AHNAK: variants seen among roughly 807,000 people sequenced by gnomAD.
AHNAK encodes neuroblast differentiation-associated protein AHNAK.
AHNAK carries 23 observed loss-of-function variants against 37.8 expected under a neutral mutation model. The ratio of observed to expected loss-of-function variants is 0.61; its 90% confidence interval spans 0.44 to 0.86. The LOEUF is 0.86. AHNAK is among the 40% of genes least tolerant of loss of function. AHNAK has a pLI of 0.00. For missense variants in AHNAK, 7,411 were observed against 7,319.4 expected (o/e 1.01, Z -0.46); for synonymous variants, 2,481 against 2,636.3 (o/e 0.94, Z 1.80).
intron 5 of AHNAK, among the ~76,000 whole-genome samples, chr11:62,482,424 T>C (rs1426694118): frequency 7.8e-6 from 1 of 127,648 alleles, no homozygotes; most frequent in Non-Finnish European, 1.7e-5. Flanking sequence ...AAAAAAAAAA[T>C]GTAGTATTTA....
At position 62,529,250 on chromosome 11, in the gene AHNAK, G is replaced by A; in HGVS notation, c.5167C>T (p.Pro1723Ser). The change falls in exon 5 of 5, where the codon CCT becomes TCT. Residue 1723 changes from proline (P) to serine (S), a missense_variant. Physicochemically the swap from Pro to Ser is moderately conservative, Grantham distance 74 (BLOSUM62 -1). Transcript: ENST00000378024. Reference sequence around the variant, plus strand: ...TCAGGGCCCTCTGCTTTGAAGCCAGGCATACTGAACTTGGGCATTTTCATC... The same window carrying A: ...TCAGGGCCCTCTGCTTTGAAGCCAGACATACTGAACTTGGGCATTTTCATC... Reference protein sequence around the residue: ...PKMKMPKFSMPGFKAEGPEVD... With the variant: ...PKMKMPKFSMSGFKAEGPEVD... 1 of 1,614,174 alleles carries A rather than the reference G, an allele frequency of 6.2e-7. No individual in the cohort carries two copies. Among genetic ancestry groups the A allele is most frequent in the South Asian group, 1.1e-5 (1 of 91,080 alleles).
intron 5 of AHNAK, among the ~76,000 whole-genome samples, chr11:62,434,932 CAAAA>C (rs55712038): frequency 3.1e-4 from 26 of 84,374 alleles, no homozygotes; most frequent in East Asian, 1.4e-3. Flanking sequence ...GACCCTGTCT[CAAAA>C]AAAAAAAAAA....
At position 62,526,943 on chromosome 11, in the gene AHNAK, G is replaced by T; in HGVS notation, c.7474C>A (p.Pro2492Thr). 6.2e-7 allele frequency: 1 copy of T among 1,614,118 alleles called. No homozygotes were observed. The highest frequency in any genetic ancestry group is 1.7e-5 in the Admixed American group (1 of 60,014). The stretch of plus-strand genomic sequence containing the variant: ...TCGGGGGCATTTACATCAACTTTGG[G>T]GCCCCTGATGTTCATATCTGGTACT... The part of the protein sequence containing the change: ...LEVPDMNIRG[P>T]KVDVNAPDVQ... The change falls in exon 5 of 5, where the codon CCC (proline) becomes ACC (threonine). Residue 2492 changes from proline (P) to threonine (T), a missense_variant. Transcript: ENST00000378024.
intron 5 of AHNAK, among the ~76,000 whole-genome samples, chr11:62,467,930 GAA>G (rs1214029327): frequency 2.0e-5 from 3 of 152,178 alleles, no homozygotes; most frequent in Non-Finnish European, 4.4e-5. Flanking sequence ...AGTACTTCCT[GAA>G]GCCTTATCTC....
At position 62,526,629 on chromosome 11, in the gene AHNAK, A is replaced by G. The variant is rs1180032152; in HGVS notation, c.7788T>C (p.Asp2596=). The G allele has an allele frequency of 1.2e-6, 2 of 1,613,020 alleles. No individual in the cohort carries two copies. Among genetic ancestry groups the G allele is most frequent in the South Asian group, 1.1e-5 (1 of 91,034 alleles). Residue 2596 remains aspartate (D), a synonymous_variant, in exon 5 of 5, where the codon GAT becomes GAC. Coordinates refer to ENST00000378024, the MANE Select transcript of AHNAK (RefSeq NM_001620.3). The part of the protein sequence containing the change: ...LHLKGPKVKG[D]VDVSLPKVEG... Reference sequence around the variant, plus strand: ...CCACTTTGGGCAGAGAAACATCCACATCGCCCTTCACCTTGGGACCTTTCA... The same window carrying G: ...CCACTTTGGGCAGAGAAACATCCACGTCGCCCTTCACCTTGGGACCTTTCA...
rs144215916 is a variant in AHNAK at position 62,478,872 on chromosome 11, T to G, written c.442+12860A>C. On this transcript the variant is annotated intron_variant, in intron 5 of 5. Coordinates refer to the AHNAK transcript ENST00000257247. ...TTGATGACACTGTTTCACTAATTTT[T>G]TTTGTTTGTTTGTTTGTTTCTAAAA... Among the ~76,000 whole-genome samples, 191 of 152,166 alleles carry G rather than the reference T, an allele frequency of 1.3e-3. 6 individuals are homozygous for G. In the East Asian group the frequency reaches 0.029, roughly 23 times the overall value.
In AHNAK at chr11:62,526,923, G is replaced by A; in HGVS notation, c.7494C>T (p.Ala2498=). The change falls in exon 5 of 5, where the codon GCC becomes GCT. Residue 2498 remains alanine, a synonymous_variant. Transcript: ENST00000378024. ...NIRGPKVDVN[A]PDVQAPDWHL... is the part of the protein sequence containing the mutation. ...GCCAGTCTGGAGCTTGGACATCGGG[G>A]GCATTTACATCAACTTTGGGGCCCC... is the stretch of plus-strand genomic sequence containing the variant. 1.2e-6 allele frequency: 2 copies of A among 1,614,048 alleles called. No individual in the cohort carries two copies. The highest frequency in any genetic ancestry group is 1.1e-5 in the South Asian group (1 of 91,080).
intron 5 of AHNAK, among the ~76,000 whole-genome samples, chr11:62,462,674 A>T (rs548268139): frequency 6.6e-6 from 1 of 152,322 alleles, no homozygotes; most frequent in East Asian, 1.9e-4. Flanking sequence ...AATCTTAAGG[A>T]TCAGTTATCT....
At chr11:62,481,569 T>TTATG (rs1178681245) in intron 5 of AHNAK, among the ~76,000 whole-genome samples, 1 of 151,754 alleles carries the variant, frequency 6.6e-6, no homozygotes, top group Non-Finnish European at 1.5e-5. Context: ...TCTTTATTTT[T>TTATG]TATTTATTTA....
intron 2 of AHNAK, 93 bp downstream of exon 2, chr11:62,536,376 T>C (rs1419263491): frequency 5.7e-6 from 2 of 352,046 alleles, no homozygotes; most frequent in Non-Finnish European, 1.0e-5. Context: ...CCTTCATCCC[T>C]GTCCCCCACG....
Position 62,493,655 on chromosome 11 carries a change from T to TG in AHNAK, c.343-1825dup, listed in dbSNP as rs112520121. Among the ~76,000 whole-genome samples the TG allele has an allele frequency of 2.4e-3, 355 of 150,864 alleles. 2 individuals carry two copies. Among genetic ancestry groups the TG allele is most frequent in the South Asian group, 3.1e-3 (15 of 4,788 alleles). On this transcript the variant is annotated intron_variant, in intron 4 of 5. Transcript: ENST00000257247. ...AGCCTTTTTTTTATTTTTTAAGAGATGGGGGGGGTCCCACTATGTTGACCA... is the reference window on the plus strand; with the variant it reads ...AGCCTTTTTTTTATTTTTTAAGAGATGGGGGGGGGTCCCACTATGTTGACCA...
Position 62,531,738 on chromosome 11 carries a change from C to G in AHNAK, c.2679G>C (p.Glu893Asp). ...GCAGGTTCACATCCACTTCTGGGCC[C>G]TCTGCTTTGAAGCCAGGCATGCTGA... Reference protein sequence around the residue: ...PKFSMPGFKAEGPEVDVNLPK... With the variant: ...PKFSMPGFKADGPEVDVNLPK... The change falls in exon 5 of 5, where the codon GAG becomes GAC. Residue 893 changes from glutamate to aspartate, a missense_variant. Glu to Asp is a conservative substitution (Grantham distance 45). Transcript: ENST00000378024. 6.2e-7 allele frequency: 1 copy of G among 1,614,046 alleles called. No individual in the cohort carries two copies. Among genetic ancestry groups the G allele is most frequent in the African/African-American group, 1.3e-5 (1 of 74,972 alleles).
chr11:62,521,306 G>C lies in AHNAK; in HGVS notation c.13111C>G (p.Pro4371Ala). 6.2e-7 allele frequency: 1 copy of C among 1,613,564 alleles called. No homozygotes were observed. Among genetic ancestry groups the C allele is most frequent in the East Asian group, 2.2e-5 (1 of 44,846 alleles). ...TTCATCTCTGGCATCTTGAACTTTG[G>C]ACCCTTGAGTTTTGCATCTGGACCT... The part of the protein sequence containing the change: ...IEGPDAKLKG[P>A]KFKMPEMNIK... The change falls in exon 5 of 5, where the codon CCA becomes GCA. Residue 4371 changes from proline (P) to alanine (A), a missense_variant. By Grantham distance (27) the Pro-to-Ala change is conservative. Coordinates refer to ENST00000378024, the MANE Select transcript of AHNAK (RefSeq NM_001620.3).
Position 62,519,047 on chromosome 11 carries a change from G to T in AHNAK, c.15370C>A (p.Leu5124Ile). ...EGELQAPDLE[L>I]SLPAIHVEGL... ...TCGACGTGAATCGCTGGCAAAGAAAGTTCCAGATCAGGTGCCTGGAGTTCA... is the reference window on the plus strand; with the variant it reads ...TCGACGTGAATCGCTGGCAAAGAAATTTCCAGATCAGGTGCCTGGAGTTCA... The change falls in exon 5 of 5, where the codon CTT (leucine) becomes ATT (isoleucine). Residue 5124 changes from leucine (L) to isoleucine (I), a missense_variant. Physicochemically the swap from Leu to Ile is conservative, Grantham distance 5. Coordinates refer to ENST00000378024, the MANE Select transcript of AHNAK (RefSeq NM_001620.3). The T allele has an allele frequency of 1.2e-6, 2 of 1,613,172 alleles. No homozygotes were observed. The highest frequency in any genetic ancestry group is 1.7e-6 in the Non-Finnish European group (2 of 1,179,358).
chr11:62,447,126 T>A (rs1417768198), intron 5 of AHNAK, among the ~76,000 whole-genome samples: 1 of 152,070 alleles, frequency 6.6e-6, no homozygotes, highest in African/African-American at 2.4e-5. Context: ...TCAGCACCCA[T>A]CCCACTCGAC....
rs530988908 is a variant in AHNAK, at chr11:62,486,414, G to A, written c.442+5318C>T. 6.6e-5 allele frequency among the ~76,000 whole-genome samples: 10 copies of A among 151,880 alleles called. 1 individual carries two copies. In the South Asian group the frequency reaches 1.9e-3, roughly 28 times the overall value. ...CTTGAACCCAGGAGGCGGACGTTGC[G>A]GTGAGCCAAGATTGTGCCATTTTAC... On this transcript the variant is annotated intron_variant, in intron 5 of 5. Transcript: ENST00000257247.
At chr11:62,447,824 C>G (rs1253661207) in intron 5 of AHNAK, among the ~76,000 whole-genome samples, 1 of 148,158 alleles carries the variant, frequency 6.7e-6, no homozygotes, top group Non-Finnish European at 1.5e-5. Context: ...CCTGTCAGCA[C>G]CTTCTATGTT....
At chr11:62,441,349 T>G (rs1176713799) in intron 5 of AHNAK, among the ~76,000 whole-genome samples, 2 of 151,972 alleles carry the variant, frequency 1.3e-5, no homozygotes, top group African/African-American at 2.4e-5. Flanking sequence ...CGTGTACACC[T>G]GTGATCCCAG....
intron 5 of AHNAK, among the ~76,000 whole-genome samples, chr11:62,478,960 C>T (rs1260046861): frequency 6.6e-6 from 1 of 151,948 alleles, no homozygotes. Context: ...ACTACAACCT[C>T]CGCCTCCTGG....
Sources: gnomAD v4.1 joint callset for allele counts (sites outside exome capture counted in the v4.1 genomes callset) on GRCh38, gnomAD v4.1.1 for gene constraint, MANE v1.5 for transcripts, NCBI Gene and HGNC (gene_info 2026-07-23, HGNC 2026-07-21) for gene names.